Variants in MEGF10 observed in about 807,000 individuals in gnomAD.
MEGF10 encodes the protein multiple epidermal growth factor-like domains protein 10.
Under a neutral mutation model 147.5 loss-of-function variants are expected in MEGF10, and 86 were observed. The observed-to-expected ratio is 0.58, with a 90% CI of 0.49 to 0.70. The LOEUF (loss-of-function observed/expected upper bound fraction) is 0.70. Ranked by LOEUF, MEGF10 falls within the 30% of genes least tolerant of loss-of-function variation. The pLI, the probability that MEGF10 is intolerant of heterozygous loss-of-function variation, is 0.00. For synonymous variants in MEGF10, 478 were observed against 525.5 expected, an observed-to-expected ratio of 0.91 and a Z score of 1.24; for missense variants, 1,329 against 1,487.3, an observed-to-expected ratio of 0.89 and a Z score of 1.75.
intron 13 of MEGF10, among the ~76,000 whole-genome samples, chr5:127,429,420 A>G (rs1271532105): frequency 6.6e-6 from 1 of 152,228 alleles, no homozygotes; most frequent in Non-Finnish European, 1.5e-5. Context: ...TATTCAGGAA[A>G]GCAAAGAATG....
chr5:127,371,191 CTGTGTGTG>C (rs10591122), intron 5 of MEGF10, among the ~76,000 whole-genome samples: 3,892 of 126,204 alleles, frequency 0.031, 139 homozygotes, highest in African/African-American at 0.094. Context: ...GGGACTGGGA[CTGTGTGTG>C]TGTGTGTGTG....
chr5:127,319,378 G>T (rs1760705179), intron 1 of MEGF10, among the ~76,000 whole-genome samples: 1 of 152,054 alleles, frequency 6.6e-6, no homozygotes, highest in Admixed American at 6.6e-5. Flanking sequence ...GCCTGGCCTT[G>T]CTTTTCTTCT....
At chr5:127,437,415 A>G (rs1252080477) in intron 16 of MEGF10, among the ~76,000 whole-genome samples, 1 of 117,036 alleles carries the variant, frequency 8.5e-6, no homozygotes, top group Admixed American at 7.9e-5. Context: ...GCTCTTGGAC[A>G]TGGTGCACAC....
At position 127,457,584 on chromosome 5, in the gene MEGF10, G is replaced by T; in HGVS notation, c.*266G>T. The T allele has an allele frequency of 2.4e-6, 1 of 408,348 alleles. No homozygotes were observed. The highest frequency in any genetic ancestry group is 4.1e-5 in the Admixed American group (1 of 24,160). 25.3% of individuals were successfully genotyped at this position (408,348 alleles called of 1,614,324 possible). On this transcript the variant is annotated 3_prime_UTR_variant, in exon 25 of 25. Transcript: ENST00000503335. ...GAAGCATGACTTATTGTAAGATGTTGGCTGAAAGCATGAACTTGCAGAACT... is the reference window on the plus strand; with the variant it reads ...GAAGCATGACTTATTGTAAGATGTTTGCTGAAAGCATGAACTTGCAGAACT...
At chr5:127,450,612 A>C in intron 22 of MEGF10, among the ~76,000 whole-genome samples, 1 of 152,154 alleles carries the variant, frequency 6.6e-6, no homozygotes, top group Non-Finnish European at 1.5e-5. Flanking sequence ...TGAATTTCAG[A>C]TAGATAAGCA....
intron 1 of MEGF10, among the ~76,000 whole-genome samples, chr5:127,320,996 CTT>C (rs1359653733): frequency 2.0e-5 from 3 of 152,198 alleles, no homozygotes; most frequent in Non-Finnish European, 4.4e-5. Context: ...AGCTTAGTCT[CTT>C]AGAGTATCTA....
At position 127,418,049 on chromosome 5, in the gene MEGF10, CAT is replaced by C. The variant is rs3051621; in HGVS notation, c.1305+238_1305+239del. Among the ~76,000 whole-genome samples the C allele has an allele frequency of 0.018, 2,801 of 152,246 alleles. 55 individuals carry two copies. Among genetic ancestry groups the C allele is most frequent in the South Asian group, 0.078 (378 of 4,822 alleles). ...GTGGCATTAATTTTTAATATAAACA[CAT>C]GTCAGAAAGCATATTATAATTATTC... On this transcript the variant is annotated intron_variant, in intron 10 of 24. Transcript: ENST00000503335.
chr5:127,436,728 G>C (rs1446994554), intron 16 of MEGF10, among the ~76,000 whole-genome samples: 1 of 152,180 alleles, frequency 6.6e-6, no homozygotes, highest in Non-Finnish European at 1.5e-5. Flanking sequence ...AGTGTTGCCT[G>C]TCCCAATAAT....
At chr5:127,325,301 C>G (rs1354773518) in intron 1 of MEGF10, among the ~76,000 whole-genome samples, 1 of 152,122 alleles carries the variant, frequency 6.6e-6, no homozygotes, top group Non-Finnish European at 1.5e-5. Flanking sequence ...AGATTTTAAG[C>G]TATTATGGGC....
intron 4 of MEGF10, among the ~76,000 whole-genome samples, chr5:127,360,758 C>T (rs570571862): frequency 1.1e-4 from 16 of 151,548 alleles, no homozygotes; most frequent in African/African-American, 3.6e-4. Flanking sequence ...ATTATTGTAT[C>T]ATTCAGGTCT....
chr5:127,258,073 G>T, the MEGF10 span, among the ~76,000 whole-genome samples: 1 of 152,186 alleles, frequency 6.6e-6, no homozygotes, highest in African/African-American at 2.4e-5. Flanking sequence ...ATATGAATCA[G>T]ATGGAGACCC....
intron 16 of MEGF10, among the ~76,000 whole-genome samples, chr5:127,436,732 C>T (rs1243665331): frequency 6.6e-6 from 1 of 152,170 alleles, no homozygotes; most frequent in African/African-American, 2.4e-5. Context: ...TTGCCTGTCC[C>T]AATAATCACT....
In MEGF10 at chr5:127,375,442, G is replaced by T. The variant is rs1580782460; in HGVS notation, c.412+5440G>T. ...CAGGTATGTCAGAGAATTGTAAAAA[G>T]TTTGTTCTCCCAAAATGAAATCATG... On this transcript the variant is annotated intron_variant, in intron 5 of 24. Coordinates refer to ENST00000503335, the MANE Select transcript of MEGF10 (RefSeq NM_001256545.2). Among the ~76,000 whole-genome samples, 2 of 152,022 alleles carry T rather than the reference G, an allele frequency of 1.3e-5. 1 individual carries two copies. The highest frequency in any genetic ancestry group is 4.1e-4 in the South Asian group (2 of 4,820).
chr5:127,456,411 A>G (rs1253959326), intron 24 of MEGF10, among the ~76,000 whole-genome samples: 2 of 152,114 alleles, frequency 1.3e-5, no homozygotes, highest in Admixed American at 1.3e-4. Context: ...CAATAGGGCT[A>G]TATATTTTCA....
At chr5:127,279,778 C>T in the MEGF10 span, among the ~76,000 whole-genome samples, 63 of 152,264 alleles carry the variant, frequency 4.1e-4, 2 homozygotes, top group East Asian at 0.011. Flanking sequence ...CCAGACATAG[C>T]ATCTGTAAAA....
In MEGF10 at chr5:127,438,633, T is replaced by C. The variant is rs1228953179; in HGVS notation, c.2233+66T>C. On this transcript the variant is annotated intron_variant, in intron 17 of 24. Coordinates refer to ENST00000503335, the MANE Select transcript of MEGF10 (RefSeq NM_001256545.2). ...GTCCAAGGAGGAAACAGCCTTACCC[T>C]CCGCATGCGTGACTGGAGCTCAACA... The C allele has an allele frequency of 3.9e-6, 6 of 1,557,914 alleles. No homozygotes were observed. The East Asian group carries it at 6.8e-5, about 18-fold the overall frequency.
At chr5:127,404,789 C>T (rs924424300) in intron 8 of MEGF10, among the ~76,000 whole-genome samples, 5 of 151,920 alleles carry the variant, frequency 3.3e-5, no homozygotes, top group Non-Finnish European at 5.9e-5. Context: ...GATCTCGGCT[C>T]ACCACAACTT....
intron 1 of MEGF10, among the ~76,000 whole-genome samples, chr5:127,308,825 G>A (rs1220643827): frequency 6.6e-6 from 1 of 151,650 alleles, no homozygotes; most frequent in South Asian, 2.1e-4. Flanking sequence ...TAACTAAACT[G>A]CATGTTGTGC....
chr5:127,451,489 G>T (rs187004867), intron 22 of MEGF10, among the ~76,000 whole-genome samples: 4 of 152,184 alleles, frequency 2.6e-5, no homozygotes, highest in Admixed American at 2.6e-4. Context: ...ATGCTTATTG[G>T]TAACATCATC....
Sources: gnomAD v4.1 joint callset for allele counts (sites outside exome capture counted in the v4.1 genomes callset) on GRCh38, gnomAD v4.1.1 for gene constraint, MANE v1.5 for transcripts, NCBI Gene and HGNC (gene_info 2026-07-23, HGNC 2026-07-21) for gene names.